The following ESF1 variants were observed in gnomAD, a reference collection of about 807,000 sequenced individuals.
ESF1 encodes the protein ESF1 nucleolar pre-rRNA processing protein.
Under a neutral mutation model 92.0 loss-of-function variants are expected in ESF1, and 58 were observed. The observed-to-expected ratio is 0.63, with a 90% CI of 0.51 to 0.78. ESF1 has a LOEUF of 0.78. Among genes scored for constraint, ESF1 ranks in the 30% least tolerant of loss-of-function variants. The pLI is 0.00. For synonymous variants in ESF1, 321 were observed against 313.7 expected (o/e 1.02, Z -0.24); for missense variants, 922 against 989.1 (o/e 0.93, Z 0.91).
At position 13,783,120 on chromosome 20, in the gene ESF1, T is replaced by C. The variant is rs1161597824; in HGVS notation, c.21A>G (p.Ile7Met). Residue 7 changes from isoleucine (I) to methionine (M), a missense_variant, in exon 2 of 14, where the codon ATA (isoleucine) becomes ATG (methionine). By Grantham distance (10) the Ile-to-Met change is conservative (BLOSUM62 1). Transcript: ENST00000617257. The part of the protein sequence containing the change: MSSKQE[I>M]MSDQRFRRVA... ...CCCGTCTAAACCGCTGGTCACTCAT[T>C]ATTTCTTGTTTGGATGACATTTTTA... is the stretch of plus-strand genomic sequence containing the variant. 1 of 1,599,378 alleles carries C rather than the reference T, an allele frequency of 6.3e-7. No individual in the cohort carries two copies. Among genetic ancestry groups the C allele is most frequent in the South Asian group, 1.1e-5 (1 of 89,862 alleles).
chr20:13,760,964 A>C (rs1979166861), intron 8 of ESF1, among the ~76,000 whole-genome samples: 1 of 152,212 alleles, frequency 6.6e-6, no homozygotes, highest in Admixed American at 6.5e-5. Context: ...GAAAAGACTG[A>C]GAAATCGGAT....
intron 3 of ESF1, 96 bp downstream of exon 3, chr20:13,775,777 A>G: frequency 1.4e-6 from 2 of 1,398,668 alleles, no homozygotes; most frequent in Admixed American, 5.0e-5. Context: ...ACTATTACCA[A>G]TAAGCTTTTC....
chr20:13,723,500 C>T (rs1260533478), intron 11 of ESF1, among the ~76,000 whole-genome samples: 1 of 151,336 alleles, frequency 6.6e-6, no homozygotes, highest in African/African-American at 2.4e-5. Context: ...TGTGCTCATC[C>T]TAGATGATAT....
intron 9 of ESF1, among the ~76,000 whole-genome samples, chr20:13,749,671 T>C (rs1978534377): frequency 1.3e-5 from 2 of 152,066 alleles, no homozygotes; most frequent in African/African-American, 4.8e-5. Flanking sequence ...GTTCAAGAGA[T>C]TCTCCTGCCT....
chr20:13,762,730 G>C (rs2079397318), intron 8 of ESF1: 1 of 315,748 alleles, frequency 3.2e-6, no homozygotes, highest in East Asian at 1.2e-4. Flanking sequence ...TGAATATGCT[G>C]ATGTATCTAT....
rs1979455525 is a variant in ESF1 at position 13,766,918 on chromosome 20, T to C, written c.1525A>G (p.Ile509Val). Residue 509 changes from isoleucine to valine, a missense_variant, in exon 8 of 14, where the codon ATC becomes GTC. Physicochemically the swap from Ile to Val is conservative, Grantham distance 29 (BLOSUM62 3). Coordinates refer to ENST00000617257, the MANE Select transcript of ESF1 (RefSeq NM_001276380.2). ...SAAMGTSTVE[I>V]TWDETDHERI... ...TCATGATCAGTCTCATCCCAAGTGA[T>C]TTCCACCTTTCACCAACAAATAAGA... 4 of 1,606,378 alleles carry C rather than the reference T, an allele frequency of 2.5e-6. No individual in the cohort carries two copies. Among genetic ancestry groups the C allele is most frequent in the Non-Finnish European group, 1.7e-6 (2 of 1,177,272 alleles).
rs751194986 is a variant in ESF1, at chr20:13,776,044, C to CTCATCTTCATCCTCCTCT, written c.846_863dup (p.Glu283_Glu288dup). 9.9e-6 allele frequency: 16 copies of CTCATCTTCATCCTCCTCT among 1,613,712 alleles called. No individual in the cohort carries two copies. The Admixed American group carries it at 2.2e-4, about 22-fold the overall frequency. ...CACTTTTATCATCATCCTCACTATC[C>CTCATCTTCATCCTCCTCT]TCATCTTCATCCTCCTCTTCATCTT... On this transcript the variant is annotated inframe_insertion, in exon 3 of 14. Coordinates refer to ENST00000617257, the MANE Select transcript of ESF1 (RefSeq NM_001276380.2).
At chr20:13,721,294 G>A (rs2049866583) in intron 11 of ESF1, among the ~76,000 whole-genome samples, 1 of 152,148 alleles carries the variant, frequency 6.6e-6, no homozygotes, top group Non-Finnish European at 1.5e-5. Context: ...AATGTTAACT[G>A]AGCACTTATT....
intron 11 of ESF1, among the ~76,000 whole-genome samples, chr20:13,723,351 T>C (rs2049880643): frequency 6.6e-6 from 1 of 151,996 alleles, no homozygotes; most frequent in Admixed American, 6.6e-5. Flanking sequence ...CCCTCTAGGC[T>C]ACCACATTCT....
intron 8 of ESF1, 34 bp downstream of exon 8, chr20:13,766,743 T>C (rs1396098253): frequency 2.5e-6 from 4 of 1,606,462 alleles, no homozygotes; most frequent in Non-Finnish European, 3.4e-6. Flanking sequence ...CAAAGACCTA[T>C]GTCCATTAAT....
At chr20:13,754,516 C>G (rs529875099) in intron 9 of ESF1, among the ~76,000 whole-genome samples, 1 of 152,254 alleles carries the variant, frequency 6.6e-6, no homozygotes, top group Admixed American at 6.5e-5. Context: ...AACTGTATAA[C>G]CAACTGATTC....
At chr20:13,722,547 C>T (rs1417114614) in intron 11 of ESF1, among the ~76,000 whole-genome samples, 2 of 152,030 alleles carry the variant, frequency 1.3e-5, no homozygotes, top group African/African-American at 4.8e-5. Context: ...AATCTTTTGT[C>T]AAGTAAGGAA....
rs929144132 is a variant in ESF1, at chr20:13,759,768, C to T, written c.1752G>A (p.Gln584=). The T allele has an allele frequency of 8.2e-6, 13 of 1,578,494 alleles. No homozygotes were observed. Among genetic ancestry groups the T allele is most frequent in the Admixed American group, 4.0e-5 (2 of 49,418 alleles). Reference sequence around the variant, plus strand: ...CTTTTTCTTGAATAACCTGCAAGAGCTGCCTGTATTTAGCAATTTGTTCTT... The same window carrying T: ...CTTTTTCTTGAATAACCTGCAAGAGTTGCCTGTATTTAGCAATTTGTTCTT... The part of the protein sequence containing the change: ...DDEEQIAKYR[Q]LLQVIQEKEK... Residue 584 remains glutamine (Q), a synonymous_variant, in exon 9 of 14, where the codon CAG becomes CAA. Coordinates refer to ENST00000617257, the MANE Select transcript of ESF1 (RefSeq NM_001276380.2).
intron 1 of ESF1, among the ~76,000 whole-genome samples, chr20:13,784,048 A>G (rs1980458022): frequency 6.6e-6 from 1 of 152,218 alleles, no homozygotes; most frequent in African/African-American, 2.4e-5. Context: ...TAAAAATAAA[A>G]AGTAAATTTG....
At chr20:13,750,571 C>T (rs1210143669) in intron 9 of ESF1, among the ~76,000 whole-genome samples, 5 of 152,158 alleles carry the variant, frequency 3.3e-5, no homozygotes, top group Non-Finnish European at 7.4e-5. Context: ...GGCTCCAAAA[C>T]CTGAACCTAT....
Position 13,774,588 on chromosome 20 carries a change from C to T in ESF1, c.1149+569G>A, listed in dbSNP as rs544757541. On this transcript the variant is annotated intron_variant, in intron 4 of 13. Transcript: ENST00000617257. ...TTTGGATATATTGGAAAGATGTAAA[C>T]ATACTTGAGAGATTAATTAAGTGTC... 2.0e-5 allele frequency among the ~76,000 whole-genome samples: 3 copies of T among 152,264 alleles called. No homozygotes were observed. In the East Asian group the frequency reaches 5.8e-4, roughly 29 times the overall value.
Position 13,714,849 on chromosome 20 carries a change from C to CA in ESF1, c.*24dup, listed in dbSNP as rs1395501594. 6.4e-7 allele frequency: 1 copy of CA among 1,552,906 alleles called. No homozygotes were observed. The highest frequency in any genetic ancestry group is 8.7e-7 in the Non-Finnish European group (1 of 1,148,562). ...TGTACATTTTAGGAAAAGATGTATT[C>CA]AGTTCAAAAATAAGTAACATCCAGT... On this transcript the variant is annotated 3_prime_UTR_variant, in exon 14 of 14. Transcript: ENST00000617257.
intron 9 of ESF1, among the ~76,000 whole-genome samples, chr20:13,740,550 G>T (rs1370645108): frequency 6.6e-6 from 1 of 152,128 alleles, no homozygotes; most frequent in East Asian, 1.9e-4. Flanking sequence ...TATTAAACAG[G>T]ATTTCCAGAA....
intron 9 of ESF1, among the ~76,000 whole-genome samples, chr20:13,736,311 G>A (rs1167152210): frequency 1.3e-5 from 2 of 151,930 alleles, no homozygotes; most frequent in Admixed American, 1.3e-4. Flanking sequence ...ATATCCTCTT[G>A]GGGGGCAAAA....
Sources: gnomAD v4.1 joint callset for allele counts (sites outside exome capture counted in the v4.1 genomes callset) on GRCh38, gnomAD v4.1.1 for gene constraint, MANE v1.5 for transcripts, NCBI Gene and HGNC (gene_info 2026-07-23, HGNC 2026-07-21) for gene names.